Variants in GALNT6 observed in about 807,000 individuals in gnomAD.
GALNT6 encodes the protein polypeptide N-acetylgalactosaminyltransferase 6.
GALNT6 carries 51 observed loss-of-function variants against 65.9 expected under a neutral mutation model. That is an observed-to-expected ratio of 0.77 (90% confidence interval 0.62 to 0.98). The LOEUF is 0.98. GALNT6 is among the 50% of genes least tolerant of loss of function. GALNT6 has a pLI of 0.00. For missense variants in GALNT6, 708 were observed against 803.3 expected (o/e 0.88, Z 1.43); for synonymous variants, 323 against 315.1 (o/e 1.02, Z -0.26).
intron 11 of GALNT6, among the ~76,000 whole-genome samples, chr12:51,355,519 G>C (rs1194586101): frequency 6.6e-6 from 1 of 152,036 alleles, no homozygotes; most frequent in Non-Finnish European, 1.5e-5. Flanking sequence ...ACCCAGGCTG[G>C]ACTGCAATGG....
At chr12:51,359,720 T>C (rs1210151240) in intron 7 of GALNT6, 1 of 161,232 alleles carries the variant, frequency 6.2e-6, no homozygotes, top group Non-Finnish European at 1.3e-5. Context: ...AACCAGAGCA[T>C]CAGTCTGTTA....
chr12:51,385,726 G>A (rs1947815394), intron 2 of GALNT6, among the ~76,000 whole-genome samples: 1 of 150,760 alleles, frequency 6.6e-6, no homozygotes, highest in African/African-American at 2.4e-5. Flanking sequence ...TCTCATCACA[G>A]CCCACCCTGT....
intron 2 of GALNT6, among the ~76,000 whole-genome samples, chr12:51,386,258 C>T (rs867675950): frequency 6.6e-6 from 1 of 152,184 alleles, no homozygotes; most frequent in Non-Finnish European, 1.5e-5. Context: ...GAGTAGAACC[C>T]GATCTCTCAA....
At chr12:51,360,583 G>C (rs1413068574) in intron 7 of GALNT6, 138 bp downstream of exon 7, 3 of 666,378 alleles carry the variant, frequency 4.5e-6, no homozygotes, top group African/African-American at 3.6e-5. Context: ...AAAAGAGGAA[G>C]AGACACACTG....
chr12:51,380,799 A>G (rs957235576), intron 2 of GALNT6, among the ~76,000 whole-genome samples: 1 of 152,218 alleles, frequency 6.6e-6, no homozygotes, highest in African/African-American at 2.4e-5. Flanking sequence ...TCCCCACGAA[A>G]AAAAGAAAGC....
intron 2 of GALNT6, among the ~76,000 whole-genome samples, chr12:51,384,383 C>A (rs1369184221): frequency 1.3e-5 from 2 of 152,146 alleles, no homozygotes; most frequent in African/African-American, 2.4e-5. Flanking sequence ...AATTAGCATT[C>A]AAAAATTTCT....
intron 2 of GALNT6, among the ~76,000 whole-genome samples, chr12:51,385,408 T>C (rs919029101): frequency 1.3e-5 from 2 of 152,222 alleles, no homozygotes; most frequent in African/African-American, 4.8e-5. Context: ...ACAAAAGAAG[T>C]TTAAATGATT....
At chr12:51,384,257 C>G (rs1485169446) in intron 2 of GALNT6, among the ~76,000 whole-genome samples, 1 of 152,254 alleles carries the variant, frequency 6.6e-6, no homozygotes, top group Non-Finnish European at 1.5e-5. Flanking sequence ...CCGGCCAGAA[C>G]ACAAACTTAC....
intron 4 of GALNT6, among the ~76,000 whole-genome samples, chr12:51,369,137 G>A (rs1012462989): frequency 6.6e-6 from 1 of 152,156 alleles, no homozygotes; most frequent in South Asian, 2.1e-4. Flanking sequence ...GATAACCCAC[G>A]GACAAAACAT....
chr12:51,382,850 A>G (rs996961441), intron 2 of GALNT6, among the ~76,000 whole-genome samples: 2 of 152,100 alleles, frequency 1.3e-5, no homozygotes, highest in African/African-American at 4.8e-5. Flanking sequence ...CCCTTGGGTG[A>G]TGGGGTGGGA....
At chr12:51,355,373 C>T (rs1592308490) in intron 11 of GALNT6, among the ~76,000 whole-genome samples, 1 of 152,316 alleles carries the variant, frequency 6.6e-6, no homozygotes, top group South Asian at 2.1e-4. Context: ...CACACACACA[C>T]TCACCTACCT....
rs1484279186 is a variant in GALNT6 at position 51,351,676 on chromosome 12, G to A, written c.*2703C>T. The stretch of plus-strand genomic sequence containing the variant: ...CTTACATTTAGCGTGTGAGTTCCAC[G>A]GGGACAGGACCTCGTTTGACGTCTC... On this transcript the variant is annotated 3_prime_UTR_variant, in exon 12 of 12. Coordinates refer to ENST00000356317, the MANE Select transcript of GALNT6 (RefSeq NM_007210.4). 6.6e-6 allele frequency: 1 copy of A among 152,164 alleles called. No homozygotes were observed. Among genetic ancestry groups the A allele is most frequent in the Non-Finnish European group, 1.5e-5 (1 of 68,042 alleles). 9.4% of individuals were successfully genotyped at this position (152,164 alleles called of 1,614,324 possible).
intron 3 of GALNT6, 129 bp from the exon 4 acceptor site, chr12:51,377,496 C>G (rs1414852795): frequency 1.4e-6 from 1 of 722,374 alleles, no homozygotes; most frequent in Middle Eastern, 3.8e-4. Flanking sequence ...TTCTCTATAG[C>G]AGGTGGGAAC....
intron 4 of GALNT6, 122 bp downstream of exon 4, chr12:51,377,073 G>A: frequency 1.3e-6 from 1 of 776,816 alleles, no homozygotes; most frequent in Non-Finnish European, 2.1e-6. Flanking sequence ...CCTTTAAGAT[G>A]AGCTGTGATG....
intron 2 of GALNT6, among the ~76,000 whole-genome samples, chr12:51,389,552 C>T (rs1947956975): frequency 6.6e-6 from 1 of 152,162 alleles, no homozygotes; most frequent in African/African-American, 2.4e-5. Context: ...TCATATACAC[C>T]TTCTCATTTG....
chr12:51,370,029 T>TA (rs1229987453), intron 4 of GALNT6, among the ~76,000 whole-genome samples: 2 of 152,006 alleles, frequency 1.3e-5, no homozygotes, highest in Non-Finnish European at 1.5e-5. Flanking sequence ...GATGGTTCCT[T>TA]AAAAAAAACT....
chr12:51,366,712 T>A (rs1441031240), intron 4 of GALNT6, among the ~76,000 whole-genome samples: 1 of 152,188 alleles, frequency 6.6e-6, no homozygotes, highest in Non-Finnish European at 1.5e-5. Flanking sequence ...TCTCCTGGAT[T>A]TGAGGAGCGG....
intron 4 of GALNT6, among the ~76,000 whole-genome samples, chr12:51,370,488 T>C (rs1947260477): frequency 2.6e-5 from 4 of 152,128 alleles, no homozygotes; most frequent in Admixed American, 1.3e-4. Context: ...TGAGCCAAGA[T>C]TGCGCCAATG....
At chr12:51,371,054 A>AATTTATTATTATTATTATTATT (rs1555178908) in intron 4 of GALNT6, among the ~76,000 whole-genome samples, 3 of 144,450 alleles carry the variant, frequency 2.1e-5, no homozygotes, top group Admixed American at 6.9e-5. Flanking sequence ...CCTTTTAAAA[A>AATTTATTATTATTATTATTATT]ATTATTATTA....
Sources: gnomAD v4.1 joint callset for allele counts (sites outside exome capture counted in the v4.1 genomes callset) on GRCh38, gnomAD v4.1.1 for gene constraint, MANE v1.5 for transcripts, NCBI Gene and HGNC (gene_info 2026-07-23, HGNC 2026-07-21) for gene names.